The following TTLL5 variants were observed in gnomAD, a reference collection of about 807,000 sequenced individuals.
TTLL5 encodes the protein tubulin polyglutamylase TTLL5.
Under a neutral mutation model 168.4 loss-of-function variants are expected in TTLL5, and 132 were observed. The ratio of observed to expected loss-of-function variants is 0.78; its 90% CI spans 0.68 to 0.91. The LOEUF (loss-of-function observed/expected upper bound fraction) is 0.91. TTLL5 is among the 40% of genes least tolerant of loss of function. TTLL5 has a pLI of 0.00. For synonymous variants in TTLL5, 546 were observed against 558.6 expected (o/e 0.98, Z 0.32); for missense variants, 1,545 against 1,581.5 (o/e 0.98, Z 0.39).
At chr14:75,732,923 A>G (rs1225552656) in intron 13 of TTLL5, among the ~76,000 whole-genome samples, 1 of 152,192 alleles carries the variant, frequency 6.6e-6, no homozygotes, top group Non-Finnish European at 1.5e-5. Flanking sequence ...TTACTAACCT[A>G]TTGTTTAGAA....
Position 75,773,967 on chromosome 14 carries a change from G to GAA in TTLL5, c.2137-1516_2137-1515insAA, listed in dbSNP as rs1566598268. ...AGAGAGAGAGAGAGAAAGAGAGAGAGAGAGAGAGAGAGAGAGAGAGAGAGA... is the reference window on the plus strand; with the variant it reads ...AGAGAGAGAGAGAGAAAGAGAGAGAGAAAGAGAGAGAGAGAGAGAGAGAGAGA... On this transcript the variant is annotated intron_variant, in intron 21 of 31. Transcript: ENST00000298832. Among the ~76,000 whole-genome samples, 583 of 101,254 alleles carry GAA rather than the reference G, an allele frequency of 5.8e-3. 4 individuals are homozygous for GAA. The highest frequency in any genetic ancestry group is 0.012 in the African/African-American group (298 of 24,650). The allele number at this position is 101,254 out of a possible 152,430, so 66.4% of individuals were successfully genotyped here.
intron 3 of TTLL5, among the ~76,000 whole-genome samples, chr14:75,680,105 A>C (rs1009508541): frequency 1.3e-5 from 2 of 152,252 alleles, no homozygotes; most frequent in African/African-American, 4.8e-5. Context: ...GTCCTCTAAA[A>C]AAATTCTTCA....
intron 30 of TTLL5, among the ~76,000 whole-genome samples, chr14:75,884,049 T>G (rs564725183): frequency 2.0e-5 from 3 of 152,202 alleles, no homozygotes; most frequent in African/African-American, 7.2e-5. Context: ...TCCTCATGTT[T>G]CCATTTGTAA....
intron 6 of TTLL5, among the ~76,000 whole-genome samples, chr14:75,694,794 G>A (rs1885715860): frequency 6.6e-6 from 1 of 152,182 alleles, no homozygotes; most frequent in Non-Finnish European, 1.5e-5. Context: ...AACATAAATT[G>A]TGAAGATTTT....
intron 31 of TTLL5, among the ~76,000 whole-genome samples, chr14:75,943,091 A>G (rs1470229434): frequency 6.6e-6 from 1 of 152,156 alleles, no homozygotes; most frequent in Non-Finnish European, 1.5e-5. Flanking sequence ...CCACAAAAAA[A>G]AGGCGGTGTC....
chr14:75,840,888 G>T (rs1307842949), intron 28 of TTLL5, among the ~76,000 whole-genome samples: 1 of 152,136 alleles, frequency 6.6e-6, no homozygotes, highest in East Asian at 1.9e-4. Context: ...GGTTTTATTG[G>T]CTCACAGTTC....
intron 12 of TTLL5, among the ~76,000 whole-genome samples, chr14:75,726,724 A>T (rs1888206714): frequency 6.6e-6 from 1 of 152,200 alleles, no homozygotes; most frequent in South Asian, 2.1e-4. Flanking sequence ...TATAGCGTGC[A>T]TAGAATGGGG....
At chr14:75,698,159 C>A (rs1179826263) in intron 6 of TTLL5, among the ~76,000 whole-genome samples, 2 of 152,216 alleles carry the variant, frequency 1.3e-5, no homozygotes, top group Non-Finnish European at 2.9e-5. Context: ...ATCAGCAGCA[C>A]TGAGAGCTCT....
chr14:75,837,914 T>G (rs1205911197), intron 28 of TTLL5, among the ~76,000 whole-genome samples: 1 of 152,186 alleles, frequency 6.6e-6, no homozygotes, highest in Non-Finnish European at 1.5e-5. Flanking sequence ...ACATTTTGTT[T>G]ACTCATTCAT....
In TTLL5 at chr14:75,882,804, A is replaced by T. The variant is rs146149200; in HGVS notation, c.3642A>T (p.Lys1214Asn). 431 of 1,614,056 alleles carry T rather than the reference A, an allele frequency of 2.7e-4. No homozygotes were observed. Among genetic ancestry groups the T allele is most frequent in the Non-Finnish European group, 3.3e-4 (393 of 1,180,030 alleles). Residue 1214 changes from lysine to asparagine, a missense_variant, in exon 30 of 32, where the codon AAA becomes AAT. Coordinates refer to ENST00000298832, the MANE Select transcript of TTLL5 (RefSeq NM_015072.5). Reference protein sequence around the residue: ...SGQKPTTLPQKVVPPPSSCAS... With the variant: ...SGQKPTTLPQNVVPPPSSCAS... ...AGAAGCCAACCACTCTGCCACAAAA[A>T]GTGGTACCACCTCCAAGTTCTTGCG...
intron 29 of TTLL5, among the ~76,000 whole-genome samples, chr14:75,881,173 C>A (rs2031793555): frequency 6.6e-6 from 1 of 152,150 alleles, no homozygotes; most frequent in Non-Finnish European, 1.5e-5. Flanking sequence ...CTCAGCCTCC[C>A]AAAGTGCTAG....
intron 15 of TTLL5, among the ~76,000 whole-genome samples, chr14:75,742,373 C>G (rs1187321254): frequency 6.6e-6 from 1 of 152,078 alleles, no homozygotes; most frequent in Non-Finnish European, 1.5e-5. Flanking sequence ...GGACTGACTG[C>G]CAGTGGCTTT....
chr14:75,886,825 T>A (rs2032150354), intron 30 of TTLL5: 1 of 1,559,798 alleles, frequency 6.4e-7, no homozygotes, highest in Admixed American at 1.9e-5. Context: ...TGAGCTTTTT[T>A]CAGAGCCAGA....
intron 26 of TTLL5, among the ~76,000 whole-genome samples, chr14:75,792,548 G>C (rs1286297533): frequency 1.1e-5 from 1 of 92,514 alleles, no homozygotes; most frequent in Non-Finnish European, 2.2e-5. Flanking sequence ...GACAAGTACA[G>C]TTACATAACA....
At position 75,843,645 on chromosome 14, in the gene TTLL5, T is replaced by C. The variant is rs1373137495; in HGVS notation, c.3327-20022T>C. 2.6e-5 allele frequency among the ~76,000 whole-genome samples: 4 copies of C among 152,220 alleles called. No homozygotes were observed. The East Asian group carries it at 7.7e-4, about 29-fold the overall frequency. On this transcript the variant is annotated intron_variant, in intron 28 of 31. Coordinates refer to ENST00000298832, the MANE Select transcript of TTLL5 (RefSeq NM_015072.5). ...TGAGTGCTCAGATTCTGCAGTTAGC[T>C]ATGCCTCGGTTGCCTCATCTGTAAC...
chr14:75,919,812 G>A (rs923716820), intron 31 of TTLL5, among the ~76,000 whole-genome samples: 2 of 151,964 alleles, frequency 1.3e-5, no homozygotes, highest in African/African-American at 2.4e-5. Flanking sequence ...GTGCTTCAAC[G>A]GATACCACCA....
intron 21 of TTLL5, among the ~76,000 whole-genome samples, chr14:75,773,971 G>GAA (rs1566598297): frequency 1.5e-4 from 19 of 126,692 alleles, no homozygotes; most frequent in African/African-American, 6.5e-4. Context: ...GAGAGAGAGA[G>GAA]AGAGAGAGAG....
At chr14:75,928,631 C>T (rs1021148717) in intron 31 of TTLL5, among the ~76,000 whole-genome samples, 5 of 151,854 alleles carry the variant, frequency 3.3e-5, no homozygotes, top group Non-Finnish European at 7.4e-5. Flanking sequence ...TTCCTAATGG[C>T]GTGAGGACAG....
chr14:75,876,633 A>G (rs540917761), intron 29 of TTLL5, among the ~76,000 whole-genome samples: 1 of 152,186 alleles, frequency 6.6e-6, no homozygotes, highest in Non-Finnish European at 1.5e-5. Context: ...TCCCATTCCT[A>G]TTGGAGTCGT....
Sources: allele counts gnomAD v4.1 joint callset (sites outside exome capture counted in the v4.1 genomes callset), GRCh38; gene constraint gnomAD v4.1.1; transcripts MANE v1.5; gene names NCBI Gene and HGNC (gene_info 2026-07-23, HGNC 2026-07-21).